PCSK5: variants seen among roughly 807,000 people sequenced by gnomAD.
PCSK5 encodes the protein proprotein convertase subtilisin/kexin type 5, also known as prohormone convertase 5.
Under a neutral mutation model 233.2 loss-of-function variants are expected in PCSK5, and 129 were observed. The ratio of observed to expected loss-of-function variants is 0.55; its 90% CI spans 0.48 to 0.64. The LOEUF (loss-of-function observed/expected upper bound fraction) is 0.64. PCSK5 is among the 30% of genes least tolerant of loss of function. The pLI is 0.00. For missense variants in PCSK5, 2,076 were observed against 2,430.1 expected, an observed-to-expected ratio of 0.85 and a Z score of 3.06; for synonymous variants, 825 against 879.2, an observed-to-expected ratio of 0.94 and a Z score of 1.09.
intron 24 of PCSK5, among the ~76,000 whole-genome samples, chr9:76,259,796 G>T (rs1469752617): frequency 2.0e-5 from 3 of 152,090 alleles, no homozygotes; most frequent in Admixed American, 1.3e-4. Context: ...CCCTTGTGGA[G>T]CATGGAAGAG....
intron 34 of PCSK5, among the ~76,000 whole-genome samples, chr9:76,337,297 G>A (rs373845929): frequency 6.6e-6 from 1 of 151,268 alleles, no homozygotes; most frequent in African/African-American, 2.4e-5. Flanking sequence ...CCAAGTAGCT[G>A]GGACTGCACA....
chr9:76,203,623 T>C (rs1824997026), intron 20 of PCSK5, among the ~76,000 whole-genome samples: 1 of 152,068 alleles, frequency 6.6e-6, no homozygotes, highest in South Asian at 2.1e-4. Flanking sequence ...GATTTCAATC[T>C]TGTAAAACTC....
At chr9:76,193,441 A>T (rs891962682) in intron 20 of PCSK5, 1 of 980,096 alleles carries the variant, frequency 1.0e-6, no homozygotes, top group African/African-American at 1.7e-5. Context: ...AAAAAAAAAA[A>T]GCAAGCCACC....
intron 7 of PCSK5, among the ~76,000 whole-genome samples, chr9:76,075,056 C>G (rs544137620): frequency 1.2e-4 from 19 of 152,100 alleles, no homozygotes; most frequent in Admixed American, 1.0e-3. Flanking sequence ...CCCATCTCTA[C>G]TAAAAATACA....
At chr9:75,955,200 C>T (rs17061821) in intron 2 of PCSK5, among the ~76,000 whole-genome samples, 12,827 of 152,096 alleles carry the variant, frequency 0.084, 975 homozygotes, top group African/African-American at 0.2. Flanking sequence ...CGGAGAGGCC[C>T]GGTTACTTAG....
At chr9:75,988,984 T>A (rs1454701871) in intron 3 of PCSK5, among the ~76,000 whole-genome samples, 1 of 152,182 alleles carries the variant, frequency 6.6e-6, no homozygotes, top group African/African-American at 2.4e-5. Context: ...GGCAGAATGG[T>A]GGGTCCCCTG....
chr9:76,347,592 A>G (rs1471501020), intron 35 of PCSK5, among the ~76,000 whole-genome samples: 1 of 152,070 alleles, frequency 6.6e-6, no homozygotes, highest in African/African-American at 2.4e-5. Context: ...GGTCTTCTAG[A>G]AAATGTAACC....
chr9:76,261,430 G>C (rs116263519), intron 24 of PCSK5, among the ~76,000 whole-genome samples: 1,951 of 152,226 alleles, frequency 0.013, 44 homozygotes, highest in African/African-American at 0.045. Flanking sequence ...AAAGCTGCAG[G>C]ATAGAAAATC....
rs1829790919 is a variant in PCSK5 at position 76,340,243 on chromosome 9, C to T, written c.4966+1796C>T. ...TCATTGTGTATCCCTTGTTTCTACTCTGGAGTGTAAAACATAAGTTTTCAT... is the reference window on the plus strand; with the variant it reads ...TCATTGTGTATCCCTTGTTTCTACTTTGGAGTGTAAAACATAAGTTTTCAT... On this transcript the variant is annotated intron_variant, in intron 35 of 37. Transcript: ENST00000674117. 2.6e-5 allele frequency among the ~76,000 whole-genome samples: 4 copies of T among 152,174 alleles called. No individual in the cohort carries two copies. The South Asian group carries it at 8.3e-4, about 32-fold the overall frequency.
intron 7 of PCSK5, among the ~76,000 whole-genome samples, chr9:76,088,197 C>T (rs1034717296): frequency 2.0e-5 from 3 of 152,164 alleles, no homozygotes; most frequent in Non-Finnish European, 4.4e-5. Flanking sequence ...GTAGCAGGGC[C>T]AGGAACTGGG....
intron 2 of PCSK5, among the ~76,000 whole-genome samples, chr9:75,970,640 G>A (rs923515701): frequency 6.6e-6 from 1 of 150,714 alleles, no homozygotes; most frequent in Non-Finnish European, 1.5e-5. Context: ...ATTTTTTTTG[G>A]AGATGGAGTC....
chr9:76,140,838 C>T (rs971369797), intron 10 of PCSK5, among the ~76,000 whole-genome samples: 3 of 152,056 alleles, frequency 2.0e-5, no homozygotes, highest in African/African-American at 7.2e-5. Flanking sequence ...AGCCTATCAA[C>T]TCTAGTAATT....
At chr9:76,273,371 A>G (rs935840145) in intron 24 of PCSK5, among the ~76,000 whole-genome samples, 3 of 151,982 alleles carry the variant, frequency 2.0e-5, no homozygotes, top group African/African-American at 7.3e-5. Flanking sequence ...ACTCTGAGCT[A>G]AGTATTGTAC....
chr9:76,169,931 C>A, intron 13 of PCSK5, 91 bp downstream of exon 13: 1 of 969,224 alleles, frequency 1.0e-6, no homozygotes. Context: ...CACATATTAG[C>A]ATCTTTTCTC....
intron 7 of PCSK5, among the ~76,000 whole-genome samples, chr9:76,093,953 A>G (rs1831404543): frequency 6.6e-6 from 1 of 152,130 alleles, no homozygotes; most frequent in African/African-American, 2.4e-5. Context: ...TTAGTTTGTG[A>G]TGGCTTGGTG....
chr9:76,338,752 T>C (rs1237027282), intron 35 of PCSK5, among the ~76,000 whole-genome samples: 1 of 152,168 alleles, frequency 6.6e-6, no homozygotes, highest in Non-Finnish European at 1.5e-5. Flanking sequence ...CTGGGGGAAT[T>C]TGTTTATTTT....
intron 20 of PCSK5, among the ~76,000 whole-genome samples, chr9:76,222,599 C>T (rs1825762995): frequency 1.3e-5 from 2 of 152,100 alleles, no homozygotes; most frequent in Non-Finnish European, 2.9e-5. Context: ...ATACAATATT[C>T]GTGCTTTTGT....
At position 76,329,573 on chromosome 9, in the gene PCSK5, A is replaced by G. The variant is rs371923375; in HGVS notation, c.4570+1334A>G. Among the ~76,000 whole-genome samples the G allele has an allele frequency of 5.7e-4, 87 of 152,024 alleles. 2 individuals carry two copies. The South Asian group carries it at 0.017, about 30-fold the overall frequency. On this transcript the variant is annotated intron_variant, in intron 33 of 37. Coordinates refer to ENST00000674117, the MANE Select transcript of PCSK5 (RefSeq NM_001372043.1). The stretch of plus-strand genomic sequence containing the variant: ...GTCTTGGCTGGGCACGGTGGCTCAC[A>G]CCTGTAATCCCAGCACTTTGGGAGG...
At chr9:75,959,729 C>A (rs942154800) in intron 2 of PCSK5, among the ~76,000 whole-genome samples, 1 of 152,162 alleles carries the variant, frequency 6.6e-6, no homozygotes, top group Non-Finnish European at 1.5e-5. Flanking sequence ...TTATGGGAAC[C>A]AAGTCCCATT....
Sources: allele counts gnomAD v4.1 joint callset (sites outside exome capture counted in the v4.1 genomes callset), GRCh38; gene constraint gnomAD v4.1.1; transcripts MANE v1.5; gene names NCBI Gene and HGNC (gene_info 2026-07-23, HGNC 2026-07-21).